The following KSR2 variants were observed in gnomAD, a reference collection of about 807,000 sequenced individuals.
The protein encoded by KSR2 is kinase suppressor of ras 2.
A neutral mutation model predicts 107.8 loss-of-function variants in KSR2; 25 were observed. That is an observed-to-expected ratio of 0.23 (90% CI 0.17 to 0.32). The LOEUF (loss-of-function observed/expected upper bound fraction) is 0.32. KSR2 is among the 10% of genes least tolerant of loss of function. The pLI is 1.00. For missense variants in KSR2, 887 were observed against 1,268.9 expected (o/e 0.70, Z 4.57); for synonymous variants, 480 against 507.0 (o/e 0.95, Z 0.71).
rs554041689 is a variant in KSR2 at position 117,655,801 on chromosome 12, A to G, written c.1171+11673T>C. Among the ~76,000 whole-genome samples the G allele has an allele frequency of 7.0e-4, 106 of 152,346 alleles. 1 individual carries two copies. The South Asian group carries it at 0.011, about 16-fold the overall frequency. On this transcript the variant is annotated intron_variant, in intron 5 of 19. Coordinates refer to ENST00000339824, the MANE Select transcript of KSR2 (RefSeq NM_173598.6). The stretch of plus-strand genomic sequence containing the variant: ...CTGGGGTGAATGACCCAGACTATCA[A>G]GATGAAACCAGTCTGCTACTCCACA...
At chr12:117,613,718 T>C (rs1309071916) in intron 5 of KSR2, among the ~76,000 whole-genome samples, 2 of 152,178 alleles carry the variant, frequency 1.3e-5, no homozygotes, top group Admixed American at 6.6e-5. Context: ...TGAAGCATGG[T>C]TTCTCTGCAC....
At chr12:117,608,798 A>T (rs929433618) in intron 5 of KSR2, among the ~76,000 whole-genome samples, 55 of 152,126 alleles carry the variant, frequency 3.6e-4, no homozygotes, top group Admixed American at 2.9e-3. Context: ...GCCCACACTG[A>T]ACAGCATGAG....
chr12:117,507,946 A>G (rs542563118), intron 14 of KSR2, among the ~76,000 whole-genome samples: 1 of 151,786 alleles, frequency 6.6e-6, no homozygotes, highest in Non-Finnish European at 1.5e-5. Context: ...TTTCCCCTCC[A>G]TTTATCATCA....
At chr12:117,564,181 A>G (rs1175574486) in intron 7 of KSR2, among the ~76,000 whole-genome samples, 1 of 152,208 alleles carries the variant, frequency 6.6e-6, no homozygotes, top group East Asian at 1.9e-4. Flanking sequence ...GTAACGTGAA[A>G]GAAGGCAAAC....
At chr12:117,781,189 T>G (rs968615041) in intron 3 of KSR2, among the ~76,000 whole-genome samples, 2 of 152,218 alleles carry the variant, frequency 1.3e-5, no homozygotes, top group African/African-American at 4.8e-5. Context: ...CCCTTTGCTT[T>G]TCCTTCGTCT....
intron 16 of KSR2, among the ~76,000 whole-genome samples, chr12:117,478,319 A>G (rs1484767653): frequency 6.6e-6 from 1 of 152,226 alleles, no homozygotes; most frequent in Non-Finnish European, 1.5e-5. Flanking sequence ...ACTTTCCATT[A>G]TGCCAGAAAT....
chr12:117,860,405 C>T lies in KSR2; in HGVS notation c.207G>A (p.Arg69=). 2.5e-6 allele frequency: 4 copies of T among 1,611,164 alleles called. No homozygotes were observed. In the East Asian group the frequency reaches 8.9e-5, roughly 36 times the overall value. ...LESKLVKYFS[R]QLSCKKKVAL... ...CTACCTTCTTTTTGCAGGACAGCTG[C>T]CGGCTGAAGTACTTCACCAGCTTGC... is the stretch of plus-strand genomic sequence containing the variant. Residue 69 remains arginine, a synonymous_variant, in exon 2 of 20, where the codon CGG becomes CGA. Coordinates refer to ENST00000339824, the MANE Select transcript of KSR2 (RefSeq NM_173598.6).
intron 1 of KSR2, among the ~76,000 whole-genome samples, chr12:117,928,411 T>C (rs565744715): frequency 5.1e-4 from 78 of 152,300 alleles, no homozygotes; most frequent in Non-Finnish European, 7.5e-4. Context: ...CTTGAACTCC[T>C]GAGCTCAAGC....
chr12:117,830,621 C>T lies in KSR2; in HGVS notation c.472+24807G>A, dbSNP rs185631048. On this transcript the variant is annotated intron_variant, in intron 3 of 19. Transcript: ENST00000339824. ...ATATACCATCTCCTAAGAAAGCCTG[C>T]GTCATTTCCAGATGATTAAAAAGAT... Among the ~76,000 whole-genome samples, 641 of 152,280 alleles carry T rather than the reference C, an allele frequency of 4.2e-3. 3 individuals carry two copies. Among genetic ancestry groups the T allele is most frequent in the Middle Eastern group, 0.014 (4 of 294 alleles).
At chr12:117,937,137 G>A (rs1299862133) in intron 1 of KSR2, among the ~76,000 whole-genome samples, 2 of 152,184 alleles carry the variant, frequency 1.3e-5, no homozygotes, top group Admixed American at 6.5e-5. Flanking sequence ...ATAGTAGCGG[G>A]GGAAAGTTCT....
chr12:117,693,509 GGCT>G (rs1313012548), intron 4 of KSR2, among the ~76,000 whole-genome samples: 1 of 152,180 alleles, frequency 6.6e-6, no homozygotes, highest in Non-Finnish European at 1.5e-5. Context: ...GAAGATGGGT[GGCT>G]GCTTCAAAAG....
chr12:117,627,293 C>T (rs1882570851), intron 5 of KSR2, among the ~76,000 whole-genome samples: 1 of 152,128 alleles, frequency 6.6e-6, no homozygotes, highest in Non-Finnish European at 1.5e-5. Flanking sequence ...TTCTTCCTAG[C>T]ATTAGTGGTC....
intron 5 of KSR2, among the ~76,000 whole-genome samples, chr12:117,618,748 G>GC (rs1882014838): frequency 1.3e-5 from 2 of 151,964 alleles, no homozygotes; most frequent in African/African-American, 4.8e-5. Flanking sequence ...TGTAAGACGT[G>GC]CCCTTCACCT....
At position 117,927,698 on chromosome 12, in the gene KSR2, A is replaced by G. The variant is rs572561375; in HGVS notation, c.180+40378T>C. Among the ~76,000 whole-genome samples, 4 of 152,198 alleles carry G rather than the reference A, an allele frequency of 2.6e-5. No homozygotes were observed. The South Asian group carries it at 8.3e-4, about 32-fold the overall frequency. The stretch of plus-strand genomic sequence containing the variant: ...ACAGAGCAAGACTCAGTCTGGAAAA[A>G]AGGAAAAAAAAAGGAACCAGGCCTT... On this transcript the variant is annotated intron_variant, in intron 1 of 19. Transcript: ENST00000339824.
At chr12:117,661,015 T>A (rs1445461089) in intron 5 of KSR2, among the ~76,000 whole-genome samples, 1 of 152,186 alleles carries the variant, frequency 6.6e-6, no homozygotes, top group Non-Finnish European at 1.5e-5. Flanking sequence ...AGTGGAGTTG[T>A]CTATAAAGAT....
chr12:117,870,284 C>T (rs570321924), intron 1 of KSR2, among the ~76,000 whole-genome samples: 2 of 152,316 alleles, frequency 1.3e-5, no homozygotes, highest in South Asian at 2.1e-4. Flanking sequence ...CACCTTTCCT[C>T]GCAGGCCTGC....
intron 5 of KSR2, among the ~76,000 whole-genome samples, chr12:117,617,311 C>T (rs1881944252): frequency 6.6e-6 from 1 of 152,182 alleles, no homozygotes; most frequent in Admixed American, 6.5e-5. Context: ...CACTAATTCT[C>T]TCTTCAAGTG....
chr12:117,641,088 GT>G (rs1254300234), intron 5 of KSR2, among the ~76,000 whole-genome samples: 1 of 151,952 alleles, frequency 6.6e-6, no homozygotes, highest in Non-Finnish European at 1.5e-5. Context: ...AAGCTGTAAG[GT>G]TTTTTTGTTT....
At chr12:117,888,853 G>A (rs1049452232) in intron 1 of KSR2, among the ~76,000 whole-genome samples, 17 of 152,190 alleles carry the variant, frequency 1.1e-4, no homozygotes, top group African/African-American at 4.1e-4. Flanking sequence ...AAGTCAGGGA[G>A]TTAGTGAATT....
Sources: allele counts gnomAD v4.1 joint callset (sites outside exome capture counted in the v4.1 genomes callset), GRCh38; gene constraint gnomAD v4.1.1; transcripts MANE v1.5; gene names NCBI Gene and HGNC (gene_info 2026-07-23, HGNC 2026-07-21).